The following GABRB1 variants were observed in gnomAD, a reference collection of about 807,000 sequenced individuals.
GABRB1 encodes the protein gamma-aminobutyric acid type A receptor subunit beta1.
Under a neutral mutation model 51.6 loss-of-function variants are expected in GABRB1, and 17 were observed. The observed-to-expected ratio is 0.33, with a 90% CI of 0.23 to 0.49. The LOEUF (loss-of-function observed/expected upper bound fraction) is 0.49, where lower values mean the gene tolerates loss of function less well. Ranked by LOEUF, GABRB1 falls within the 20% of genes least tolerant of loss-of-function variation. The pLI is 0.99. For missense variants in GABRB1, 410 were observed against 600.6 expected, an observed-to-expected ratio of 0.68 and a Z score of 3.32; for synonymous variants, 247 against 218.9, an observed-to-expected ratio of 1.13 and a Z score of -1.14.
chr4:47,036,410 A>G (rs536982234), intron 3 of GABRB1, among the ~76,000 whole-genome samples: 5 of 152,276 alleles, frequency 3.3e-5, no homozygotes, highest in South Asian at 2.1e-4. Flanking sequence ...TCTTTAACAT[A>G]TAGGTGAATC....
At chr4:47,248,542 T>G (rs1009889627) in intron 4 of GABRB1, among the ~76,000 whole-genome samples, 2 of 152,090 alleles carry the variant, frequency 1.3e-5, no homozygotes, top group African/African-American at 2.4e-5. Flanking sequence ...AGAGGGTTCT[T>G]TCTTTCTCTA....
At chr4:47,274,910 C>G (rs1291645226) in intron 4 of GABRB1, among the ~76,000 whole-genome samples, 1 of 152,150 alleles carries the variant, frequency 6.6e-6, no homozygotes, top group Non-Finnish European at 1.5e-5. Flanking sequence ...CATTCCTATT[C>G]AGCTAGAAGA....
intron 4 of GABRB1, among the ~76,000 whole-genome samples, chr4:47,189,009 G>C (rs1050969622): frequency 1.3e-5 from 2 of 152,004 alleles, no homozygotes; most frequent in African/African-American, 4.8e-5. Flanking sequence ...AGGAGATAGA[G>C]TCTGGGAAAG....
At chr4:47,034,786 T>C (rs1185210460) in intron 3 of GABRB1, among the ~76,000 whole-genome samples, 1 of 152,094 alleles carries the variant, frequency 6.6e-6, no homozygotes, top group Non-Finnish European at 1.5e-5. Flanking sequence ...TAAACACAAC[T>C]CAGATGGTTA....
intron 4 of GABRB1, among the ~76,000 whole-genome samples, chr4:47,247,799 T>A (rs1458499156): frequency 6.6e-6 from 1 of 152,036 alleles, no homozygotes; most frequent in Non-Finnish European, 1.5e-5. Context: ...GGAGTTGAGA[T>A]CTTGATTTGA....
chr4:47,273,713 G>A lies in GABRB1; in HGVS notation c.462-46414G>A, dbSNP rs757065906. 1.7e-4 allele frequency among the ~76,000 whole-genome samples: 26 copies of A among 152,094 alleles called. No homozygotes were observed. The Middle Eastern group carries it at 0.01, about 60-fold the overall frequency. ...TTAGTTGACAGAGAAAGAAAAGAGAGTCACACAATTGAAAAAATTATTACA... is the reference window on the plus strand; with the variant it reads ...TTAGTTGACAGAGAAAGAAAAGAGAATCACACAATTGAAAAAATTATTACA... On this transcript the variant is annotated intron_variant, in intron 4 of 8. Transcript: ENST00000295454.
chr4:47,090,037 T>C (rs374172378), intron 3 of GABRB1, among the ~76,000 whole-genome samples: 1 of 152,220 alleles, frequency 6.6e-6, no homozygotes, highest in Non-Finnish European at 1.5e-5. Flanking sequence ...TTTGGGACTG[T>C]TCTTCCTTCA....
chr4:47,190,590 T>C (rs1390553146), intron 4 of GABRB1, among the ~76,000 whole-genome samples: 1 of 152,144 alleles, frequency 6.6e-6, no homozygotes, highest in Non-Finnish European at 1.5e-5. Context: ...AGTAAATATA[T>C]GCTTTTGGTA....
chr4:47,295,614 G>A (rs906938595), intron 4 of GABRB1, among the ~76,000 whole-genome samples: 1 of 152,180 alleles, frequency 6.6e-6, no homozygotes, highest in Non-Finnish European at 1.5e-5. Flanking sequence ...TATGAGAAAA[G>A]ACCAAATCTA....
chr4:47,054,219 G>C (rs10021812), intron 3 of GABRB1, among the ~76,000 whole-genome samples: 2,167 of 152,084 alleles, frequency 0.014, 40 homozygotes, highest in African/African-American at 0.05. Context: ...ACCTTGAACA[G>C]TTACAGGCAG....
At chr4:47,063,042 C>T (rs1048078493) in intron 3 of GABRB1, among the ~76,000 whole-genome samples, 1 of 152,078 alleles carries the variant, frequency 6.6e-6, no homozygotes, top group African/African-American at 2.4e-5. Context: ...TACTCAAAAC[C>T]GTTTATGGCT....
At chr4:47,229,892 C>CA (rs1448444974) in intron 4 of GABRB1, among the ~76,000 whole-genome samples, 4 of 152,204 alleles carry the variant, frequency 2.6e-5, no homozygotes, top group Admixed American at 2.6e-4. Context: ...GCATGCTTTT[C>CA]AAAATCTTGA....
intron 3 of GABRB1, among the ~76,000 whole-genome samples, chr4:47,077,391 A>G (rs4694834): frequency 0.79 from 120,785 of 152,096 alleles, 48,380 homozygotes; most frequent in South Asian, 0.85. Flanking sequence ...CCACCTAGAT[A>G]GCAAGGATGG....
At chr4:47,129,049 A>T (rs1716293078) in intron 3 of GABRB1, among the ~76,000 whole-genome samples, 1 of 152,130 alleles carries the variant, frequency 6.6e-6, no homozygotes, top group South Asian at 2.1e-4. Context: ...TACATACATG[A>T]TTGTACAAAT....
intron 4 of GABRB1, among the ~76,000 whole-genome samples, chr4:47,316,719 T>C (rs962494323): frequency 4.6e-5 from 7 of 151,940 alleles, no homozygotes; most frequent in African/African-American, 1.7e-4. Context: ...TCATTGACTA[T>C]AAAGGTGATT....
chr4:47,279,848 T>TG (rs1723212343), intron 4 of GABRB1, among the ~76,000 whole-genome samples: 1 of 146,760 alleles, frequency 6.8e-6, no homozygotes, highest in African/African-American at 2.5e-5. Flanking sequence ...AGTTTGGTCT[T>TG]TTTTTTTTTT....
At chr4:47,007,680 A>C (rs1343629182) in intron 1 of GABRB1, among the ~76,000 whole-genome samples, 1 of 152,018 alleles carries the variant, frequency 6.6e-6, no homozygotes, top group African/African-American at 2.4e-5. Flanking sequence ...ATGTTCTCTG[A>C]CCATTGTGAA....
In GABRB1 at chr4:47,073,318, A is replaced by C. The variant is rs954567780; in HGVS notation, c.240+40834A>C. On this transcript the variant is annotated intron_variant, in intron 3 of 8. Coordinates refer to ENST00000295454, the MANE Select transcript of GABRB1 (RefSeq NM_000812.4). Reference sequence around the variant, plus strand: ...TCTTGTAACAGGCATATTAAGACAAACTGTTTGTTTTCCTTAATTAGAAAC... The same window carrying C: ...TCTTGTAACAGGCATATTAAGACAACCTGTTTGTTTTCCTTAATTAGAAAC... 1.6e-4 allele frequency among the ~76,000 whole-genome samples: 24 copies of C among 152,204 alleles called. 1 individual carries two copies. Among genetic ancestry groups the C allele is most frequent in the African/African-American group, 5.8e-4 (24 of 41,456 alleles).
chr4:47,378,435 C>T (rs1191468031), intron 5 of GABRB1, among the ~76,000 whole-genome samples: 1 of 152,206 alleles, frequency 6.6e-6, no homozygotes, highest in African/African-American at 2.4e-5. Flanking sequence ...CCACACCTCT[C>T]CCTCCACACC....
Sources: allele counts gnomAD v4.1 joint callset (sites outside exome capture counted in the v4.1 genomes callset), GRCh38; gene constraint gnomAD v4.1.1; transcripts MANE v1.5; gene names NCBI Gene and HGNC (gene_info 2026-07-23, HGNC 2026-07-21).